Variants in PLCE1 observed in about 807,000 individuals in gnomAD.
PLCE1 encodes the protein phospholipase C epsilon 1.
In PLCE1, 119 loss-of-function variants were observed where a neutral mutation model predicts 242.8. The ratio of observed to expected loss-of-function variants is 0.49; its 90% CI spans 0.42 to 0.57. The LOEUF (loss-of-function observed/expected upper bound fraction) is 0.57, where lower values mean the gene tolerates loss of function less well. Ranked by LOEUF, PLCE1 falls within the 20% of genes least tolerant of loss-of-function variation. The pLI is 0.00. For missense variants in PLCE1, 2,441 were observed against 2,788.8 expected (o/e 0.88, Z 2.81); for synonymous variants, 945 against 1,017.4 (o/e 0.93, Z 1.35).
rs1234282424 is a variant in PLCE1 at position 94,234,038 on chromosome 10, C to T, written c.1956-16C>T. The T allele has an allele frequency of 6.2e-7, 1 of 1,607,046 alleles. No homozygotes were observed. Among genetic ancestry groups the T allele is most frequent in the African/African-American group, 1.3e-5 (1 of 74,750 alleles). Reference sequence around the variant, plus strand: ...ATTTCTCCTTCAGTCTGAAAAATGTCATTTACTTGCAATAGGTCAAGAAAA... The same window carrying T: ...ATTTCTCCTTCAGTCTGAAAAATGTTATTTACTTGCAATAGGTCAAGAAAA... On this transcript the variant is annotated splice_polypyrimidine_tract_variant and intron_variant, in intron 5 of 32. Coordinates refer to ENST00000371380, the MANE Select transcript of PLCE1 (RefSeq NM_016341.4).
chr10:94,067,857 C>T (rs2044240816), intron 2 of PLCE1, among the ~76,000 whole-genome samples: 1 of 152,160 alleles, frequency 6.6e-6, no homozygotes, highest in Non-Finnish European at 1.5e-5. Context: ...TGTTTACAGG[C>T]CAGCCTCCAG....
chr10:94,144,926 G>A (rs1260238411), intron 3 of PLCE1, among the ~76,000 whole-genome samples: 2 of 152,198 alleles, frequency 1.3e-5, no homozygotes. Flanking sequence ...AAAATAGAGA[G>A]AGGCAAAACA....
intron 2 of PLCE1, among the ~76,000 whole-genome samples, chr10:94,111,651 T>C (rs1276844245): frequency 9.1e-6 from 1 of 109,458 alleles, no homozygotes; most frequent in Non-Finnish European, 2.0e-5. Context: ...GACTGAGGCA[T>C]TTACACTTGG....
chr10:94,030,546 T>A (rs575799634), intron 1 of PLCE1, among the ~76,000 whole-genome samples, 137 bp from the exon 2 acceptor site: 1 of 152,090 alleles, frequency 6.6e-6, no homozygotes, highest in East Asian at 1.9e-4. Flanking sequence ...AAAAAAATAC[T>A]AAAAACATAA....
intron 2 of PLCE1, among the ~76,000 whole-genome samples, chr10:94,111,208 G>A (rs1438805029): frequency 6.6e-6 from 1 of 152,184 alleles, no homozygotes; most frequent in Non-Finnish European, 1.5e-5. Flanking sequence ...AAGGTGTTTG[G>A]CATCAGAAAA....
intron 2 of PLCE1, among the ~76,000 whole-genome samples, chr10:94,084,614 T>A (rs898112148): frequency 3.9e-5 from 6 of 152,254 alleles, no homozygotes; most frequent in African/African-American, 1.2e-4. Flanking sequence ...GCATCTTTCA[T>A]GTGAGTCAAG....
intron 8 of PLCE1, among the ~76,000 whole-genome samples, 179 bp downstream of exon 8, chr10:94,246,800 A>G (rs146198080): frequency 3.3e-5 from 5 of 152,294 alleles, no homozygotes; most frequent in Non-Finnish European, 5.9e-5. Flanking sequence ...TGGAAATAAT[A>G]ACACCTGCTC....
intron 4 of PLCE1, among the ~76,000 whole-genome samples, chr10:94,197,842 G>A (rs1389580667): frequency 6.6e-6 from 1 of 151,918 alleles, no homozygotes; most frequent in Non-Finnish European, 1.5e-5. Context: ...AATTAGCTGG[G>A]CATGGTGGCG....
At chr10:94,014,346 G>A (rs1280801201) in intron 1 of PLCE1, among the ~76,000 whole-genome samples, 3 of 151,920 alleles carry the variant, frequency 2.0e-5, no homozygotes, top group African/African-American at 4.8e-5. Flanking sequence ...GCTCAAGCCT[G>A]TAATCGCAGC....
chr10:94,316,742 A>G lies in PLCE1; in HGVS notation c.6328A>G (p.Lys2110Glu). ...EEGYMGRIVL[K>E]TQQENLEEKN... The stretch of plus-strand genomic sequence containing the variant: ...GGGATACATGGGCAGGATTGTCTTA[A>G]AAACCCAGCAGGAAGTAAGTGTGTC... The change falls in exon 29 of 33, where the codon AAA becomes GAA. Residue 2110 changes from lysine to glutamate, a missense_variant. Around this residue, in one of 5 missense-constraint regions of PLCE1, gnomAD observed 310 missense variants for 317.2 expected, o/e 0.98. Coordinates refer to ENST00000371380, the MANE Select transcript of PLCE1 (RefSeq NM_016341.4). 2.5e-6 allele frequency: 4 copies of G among 1,613,404 alleles called. No homozygotes were observed. The highest frequency in any genetic ancestry group is 3.4e-6 in the Non-Finnish European group (4 of 1,179,324).
At position 94,265,876 on chromosome 10, in the gene PLCE1, A is replaced by T. The variant is rs765106847; in HGVS notation, c.4199A>T (p.Tyr1400Phe). 1 of 1,613,938 alleles carries T rather than the reference A, an allele frequency of 6.2e-7. No individual in the cohort carries two copies. Among genetic ancestry groups the T allele is most frequent in the East Asian group, 2.2e-5 (1 of 44,872 alleles). The change falls in exon 16 of 33, where the codon TAC becomes TTC. Residue 1400 changes from tyrosine (Y) to phenylalanine (F), a missense_variant. Transcript: ENST00000371380. ...NIKELQLPLS[Y>F]YYIESSHNTY... Reference sequence around the variant, plus strand: ...AAAGAACTGCAGCTACCCCTCTCATACTATTACATCGAATCTTCGCACAAT... The same window carrying T: ...AAAGAACTGCAGCTACCCCTCTCATTCTATTACATCGAATCTTCGCACAAT...
At chr10:94,188,942 T>C (rs900151256) in intron 4 of PLCE1, among the ~76,000 whole-genome samples, 1 of 151,734 alleles carries the variant, frequency 6.6e-6, no homozygotes, top group African/African-American at 2.4e-5. Context: ...AGAGTAGTTT[T>C]TCTTAAGAAT....
At chr10:94,000,339 T>C (rs1343491369) in intron 1 of PLCE1, among the ~76,000 whole-genome samples, 2 of 152,016 alleles carry the variant, frequency 1.3e-5, no homozygotes, top group Non-Finnish European at 2.9e-5. Context: ...CTACTTATCA[T>C]CTGCATGGCC....
At chr10:94,186,795 G>C (rs2048492274) in intron 4 of PLCE1, among the ~76,000 whole-genome samples, 1 of 152,134 alleles carries the variant, frequency 6.6e-6, no homozygotes, top group African/African-American at 2.4e-5. Context: ...CTTATCAAAA[G>C]GGAAAAAAAC....
chr10:94,210,985 G>C lies in PLCE1; in HGVS notation c.1810-16321G>C, dbSNP rs374922858. Among the ~76,000 whole-genome samples, 77 of 152,334 alleles carry C rather than the reference G, an allele frequency of 5.1e-4. 1 individual carries two copies. The highest frequency in any genetic ancestry group is 1.8e-3 in the African/African-American group (75 of 41,578). ...TGGTACCTTCTGGCTGAAGCTAGAGGGGAAAAGTTCAAGGCCAGCATATCT... is the reference window on the plus strand; with the variant it reads ...TGGTACCTTCTGGCTGAAGCTAGAGCGGAAAAGTTCAAGGCCAGCATATCT... On this transcript the variant is annotated intron_variant, in intron 4 of 32. Transcript: ENST00000371380.
intron 8 of PLCE1, among the ~76,000 whole-genome samples, chr10:94,248,771 T>C (rs946538720): frequency 2.0e-5 from 3 of 152,140 alleles, no homozygotes; most frequent in African/African-American, 7.2e-5. Context: ...AATATGGACA[T>C]AGACCAGTGT....
At chr10:94,110,228 A>G (rs940455932) in intron 2 of PLCE1, among the ~76,000 whole-genome samples, 12 of 151,540 alleles carry the variant, frequency 7.9e-5, no homozygotes, top group African/African-American at 4.8e-5. Context: ...ACGCCCAGCT[A>G]ATTTTTTGTA....
chr10:94,324,827 AGT>A, intron 31 of PLCE1, 63 bp from the exon 32 acceptor site: 1 of 1,479,144 alleles, frequency 6.8e-7, no homozygotes, highest in Non-Finnish European at 9.4e-7. Context: ...CTTCTGAAAT[AGT>A]GTCATGTGAC....
rs530147103 is a variant in PLCE1 at position 94,325,918 on chromosome 10, C to T, written c.*24+814C>T. Among the ~76,000 whole-genome samples the T allele has an allele frequency of 1.1e-4, 17 of 152,184 alleles. No individual in the cohort carries two copies. In the South Asian group the frequency reaches 3.3e-3, roughly 30 times the overall value. ...ATTAAAAAAATAAAAATCTGGCATC[C>T]GGGATGTGGTTAAAAAGAAAGCAAA... On this transcript the variant is annotated intron_variant, in intron 32 of 32. Transcript: ENST00000371380.
Sources: gnomAD v4.1 joint callset for allele counts (sites outside exome capture counted in the v4.1 genomes callset) on GRCh38, gnomAD v4.1.1 for gene constraint, gnomAD v4.1.1 regional missense constraint, MANE v1.5 for transcripts, NCBI Gene and HGNC (gene_info 2026-07-23, HGNC 2026-07-21) for gene names.